Variants in EML2 observed in about 807,000 individuals in gnomAD.
EML2 encodes the protein EMAP like 2, also known as echinoderm microtubule-associated protein-like 2.
Under a neutral mutation model 84.7 loss-of-function variants are expected in EML2, and 59 were observed. That is an observed-to-expected ratio of 0.70 (90% CI 0.56 to 0.86). The LOEUF (loss-of-function observed/expected upper bound fraction) is 0.86. Among genes scored for constraint, EML2 ranks in the 40% least tolerant of loss-of-function variants. The probability of loss-of-function intolerance (pLI) is 0.00; values close to 1 mark genes in which losing one functional copy is unlikely to be tolerated. For synonymous variants in EML2, 352 were observed against 348.9 expected (o/e 1.01, Z -0.10); for missense variants, 818 against 855.6 (o/e 0.96, Z 0.55).
chr19:45,610,399 C>CA (rs1451410517), intron 18 of EML2, among the ~76,000 whole-genome samples: 2 of 145,630 alleles, frequency 1.4e-5, no homozygotes, highest in African/African-American at 2.5e-5. Flanking sequence ...CTGTCTCAAA[C>CA]AAAAAAGAAC....
upstream of EML2, chr19:45,641,970 C>A: frequency 6.9e-7 from 1 of 1,443,886 alleles, no homozygotes; most frequent in South Asian, 1.5e-5. Context: ...GTGGCATAGC[C>A]ACCCACGCGC....
At chr19:45,609,899 T>G (rs946515171) in intron 18 of EML2, 111 bp from the exon 19 acceptor site, 1 of 1,357,232 alleles carries the variant, frequency 7.4e-7, no homozygotes, top group African/African-American at 1.5e-5. Flanking sequence ...TTTTTTTTTT[T>G]TTTAATCACT....
chr19:45,619,073 C>T lies in EML2; in HGVS notation c.1241G>A (p.Ser414Asn). The change falls in exon 12 of 19, where the codon AGC becomes AAC. Residue 414 changes from serine to asparagine, a missense_variant. By Grantham distance (46) the Ser-to-Asn change is conservative. Transcript: ENST00000245925. ...CGGGCCCCTTACCTCGATGATCCTG[C>T]TCCACAGGGGCTGGTGGGAATCTGA... is the stretch of plus-strand genomic sequence containing the variant. ...WSSDSHQPLW[S>N]RIIEDPARSA... 6.2e-7 allele frequency: 1 copy of T among 1,612,238 alleles called. No individual in the cohort carries two copies. Among genetic ancestry groups the T allele is most frequent in the Non-Finnish European group, 8.5e-7 (1 of 1,178,826 alleles).
chr19:45,628,862 A>G (rs1972701160), intron 7 of EML2: 1 of 151,894 alleles, frequency 6.6e-6, no homozygotes, highest in Non-Finnish European at 1.5e-5. Flanking sequence ...TAAGTAAATA[A>G]ATAAATAAAT....
chr19:45,637,206 C>G (rs534182796), intron 3 of EML2, among the ~76,000 whole-genome samples: 1 of 152,316 alleles, frequency 6.6e-6, no homozygotes, highest in African/African-American at 2.4e-5. Flanking sequence ...AACCAAGGCC[C>G]AGAGAGAAGC....
Position 45,638,646 on chromosome 19 carries a change from C to G in EML2, c.50-12G>C, listed in dbSNP as rs758266133. The G allele has an allele frequency of 6.2e-6, 10 of 1,612,656 alleles. No individual in the cohort carries two copies. Among genetic ancestry groups the G allele is most frequent in the Non-Finnish European group, 8.5e-6 (10 of 1,179,380 alleles). ...CACGGAGCCATCCTCTGCCAGGACA[C>G]CCCCAGAGGTCAGGCACTGACACCA... is the stretch of plus-strand genomic sequence containing the variant. On this transcript the variant is annotated splice_polypyrimidine_tract_variant and intron_variant, in intron 2 of 18. Transcript: ENST00000245925.
rs756497997 is a variant in EML2, at chr19:45,634,393, G to A, written c.258C>T (p.Ser86=). The change falls in exon 4 of 19, where the codon TCC becomes TCT. Residue 86 remains serine (S), a synonymous_variant. Transcript: ENST00000245925. ...CCTCCACGCTGTATAGCACGGCTAC[G>A]GAGGCCACAAAGTACACTATCTCCC... The part of the protein sequence containing the change: ...PTGEIVYFVA[S]VAVLYSVEEQ... 2.4e-5 allele frequency: 39 copies of A among 1,613,994 alleles called. No homozygotes were observed. Among genetic ancestry groups the A allele is most frequent in the Non-Finnish European group, 3.0e-5 (35 of 1,180,016 alleles).
At chr19:45,642,400 T>C, upstream of EML2, 2 of 1,513,806 alleles carry the variant, frequency 1.3e-6, no homozygotes, top group Non-Finnish European at 1.8e-6. Flanking sequence ...GGAGCTCCAG[T>C]GCCCAAGGGG....
chr19:45,616,426 G>C, intron 15 of EML2, 35 bp downstream of exon 15: 1 of 1,525,232 alleles, frequency 6.6e-7, no homozygotes. Flanking sequence ...CCTGGGCGGG[G>C]TGGCGGCGCG....
chr19:45,645,475 C>T (rs1974968802), upstream of EML2: 3 of 1,406,988 alleles, frequency 2.1e-6, no homozygotes, highest in African/African-American at 3.1e-5. Context: ...CATCAGGCGG[C>T]CGGCGCCGGG....
Position 45,633,114 on chromosome 19 carries a change from T to G in EML2, c.355A>C (p.Thr119Pro), listed in dbSNP as rs749913291. The change falls in exon 5 of 19, where the codon ACC (threonine) becomes CCC (proline). Residue 119 changes from threonine (T) to proline (P), a missense_variant. Physicochemically the swap from Thr to Pro is conservative, Grantham distance 38. Coordinates refer to ENST00000245925, the MANE Select transcript of EML2 (RefSeq NM_012155.4). ...KCLAIHPDMV[T>P]IATGQVAGTT... ...CCCGCCACCTGTCCCGTGGCGATGGTGACCATATCTGGGTGGATGGCCAAG... is the reference window on the plus strand; with the variant it reads ...CCCGCCACCTGTCCCGTGGCGATGGGGACCATATCTGGGTGGATGGCCAAG... 1 of 1,603,688 alleles carries G rather than the reference T, an allele frequency of 6.2e-7. No individual in the cohort carries two copies. Among genetic ancestry groups the G allele is most frequent in the Non-Finnish European group, 8.5e-7 (1 of 1,175,500 alleles).
intron 7 of EML2, 119 bp from the exon 8 acceptor site, chr19:45,626,958 TTC>T: frequency 1.2e-6 from 1 of 849,614 alleles, no homozygotes; most frequent in Non-Finnish European, 1.6e-6. Context: ...ACCTGAACTT[TTC>T]TTTTTTTTTT....
upstream of EML2, chr19:45,643,548 C>T: frequency 6.5e-7 from 1 of 1,535,946 alleles, no homozygotes; most frequent in South Asian, 1.2e-5. Flanking sequence ...GAAGTGGCCC[C>T]TCTCCCCCTT....
rs376733886 is a variant in EML2, at chr19:45,614,779, G to A, written c.1598-79C>T. ...CCCATCCCTTTCTTAGACAATCGGA[G>A]CTGAGGTCCAAGACAGAGGAGGCTA... On this transcript the variant is annotated intron_variant, in intron 16 of 18. Transcript: ENST00000245925. 298 of 1,226,156 alleles carry A rather than the reference G, an allele frequency of 2.4e-4. 2 individuals are homozygous for A. In the South Asian group the frequency reaches 3.0e-3, roughly 13 times the overall value. The allele number at this position is 1,226,156 out of a possible 1,614,324, so 76.0% of individuals were successfully genotyped here. A position where few individuals can be genotyped will look rare whatever the true frequency, so the allele number is the denominator to read the frequency against.
At chr19:45,610,625 G>A (rs1285447058) in intron 18 of EML2, among the ~76,000 whole-genome samples, 3 of 152,010 alleles carry the variant, frequency 2.0e-5, no homozygotes, top group East Asian at 3.9e-4. Flanking sequence ...ATCACTTGAG[G>A]TCAGGAGTTC....
intron 18 of EML2, 99 bp from the exon 19 acceptor site, chr19:45,609,887 CTTTTT>C: frequency 9.2e-7 from 1 of 1,085,816 alleles, no homozygotes; most frequent in Non-Finnish European, 1.2e-6. Context: ...TGCTCTTCCT[CTTTTT>C]TTTTTTTTTT....
At chr19:45,638,345 G>A (rs1682918384) in intron 3 of EML2, among the ~76,000 whole-genome samples, 160 bp downstream of exon 3, 1 of 152,246 alleles carries the variant, frequency 6.6e-6, no homozygotes, top group Admixed American at 6.5e-5. Flanking sequence ...GCCCTTGAAC[G>A]TGCTGTGCTT....
At chr19:45,617,520 G>A in intron 13 of EML2, 110 bp downstream of exon 13, 1 of 957,936 alleles carries the variant, frequency 1.0e-6, no homozygotes. Context: ...GGAATATTGA[G>A]GGATCAGGGC....
rs1162693207 is a variant in EML2 at position 45,626,840 on chromosome 19, C to T, written c.607-1G>A. ...CCACCAATACAGCCTCATTGGAGCA[C>T]TTTGGGGGGTGGGGGAGATTCTGAA... is the stretch of plus-strand genomic sequence containing the variant. On this transcript the variant is annotated splice_acceptor_variant, in intron 7 of 18. Transcript: ENST00000245925. LOFTEE classifies it high-confidence loss of function. The T allele has an allele frequency of 6.2e-7, 1 of 1,609,666 alleles. No individual in the cohort carries two copies.
Sources: gnomAD v4.1 joint callset for allele counts (sites outside exome capture counted in the v4.1 genomes callset) on GRCh38, gnomAD v4.1.1 for gene constraint, MANE v1.5 for transcripts, NCBI Gene and HGNC (gene_info 2026-07-23, HGNC 2026-07-21) for gene names.